Variants in DIP2C observed in about 807,000 individuals in gnomAD.
The protein encoded by DIP2C is disco-interacting protein 2 homolog C.
Under a neutral mutation model 192.4 loss-of-function variants are expected in DIP2C, and 33 were observed. The observed-to-expected ratio is 0.17, with a 90% CI of 0.13 to 0.23. The LOEUF (loss-of-function observed/expected upper bound fraction) is 0.23. Ranked by LOEUF, DIP2C falls within the 10% of genes least tolerant of loss-of-function variation. DIP2C has a pLI of 1.00. For synonymous variants in DIP2C, 979 were observed against 864.1 expected (o/e 1.13, Z -2.33); for missense variants, 1,537 against 2,110.1 (o/e 0.73, Z 5.32).
In DIP2C at chr10:651,463, T is replaced by A; in HGVS notation, c.85+38031A>T. 1 of 657,044 alleles carries A rather than the reference T, an allele frequency of 1.5e-6. No homozygotes were observed. Among genetic ancestry groups the A allele is most frequent in the East Asian group, 2.8e-5 (1 of 35,558 alleles). 40.7% of individuals were successfully genotyped at this position (657,044 alleles called of 1,614,324 possible). A position where few individuals can be genotyped will look rare whatever the true frequency, so the allele number is the denominator to read the frequency against. On this transcript the variant is annotated intron_variant, in intron 1 of 36. Transcript: ENST00000280886. This position sits in a 1 kb window ranked among gnomAD's most constrained non-coding sequence, Gnocchi z 4.1. ...TAAGTAAAAATAGCAGAAGACTTAG[T>A]AGAATGTATGAGTAACAATTACAAT...
chr10:532,566 A>T (rs1295182359), intron 1 of DIP2C, among the ~76,000 whole-genome samples: 1 of 146,776 alleles, frequency 6.8e-6, no homozygotes, highest in Admixed American at 6.8e-5. Flanking sequence ...GGTGAGAGAG[A>T]GAGTATGGGT....
intron 1 of DIP2C, among the ~76,000 whole-genome samples, chr10:674,757 A>C (rs1830796527): frequency 9.0e-6 from 1 of 110,968 alleles, no homozygotes; most frequent in East Asian, 2.8e-4. Flanking sequence ...CAACAAAAGC[A>C]AAACTCCATC....
chr10:274,936 G>A lies in DIP2C; in HGVS notation c.*2389C>T, dbSNP rs1028510848. The A allele has an allele frequency of 6.6e-6, 1 of 152,154 alleles. No homozygotes were observed. The highest frequency in any genetic ancestry group is 1.5e-5 in the Non-Finnish European group (1 of 68,028). The allele number at this position is 152,154 out of a possible 1,614,324, so 9.4% of individuals were successfully genotyped here. ...ATGACCCTTCTTTATTGCTGAAACT[G>A]GTGGTACTAAGTGTCTCCTTTCCTT... On this transcript the variant is annotated 3_prime_UTR_variant, in exon 37 of 37. Transcript: ENST00000280886.
intron 2 of DIP2C, among the ~76,000 whole-genome samples, chr10:477,994 T>A (rs1282347790): frequency 5.2e-5 from 2 of 38,300 alleles, no homozygotes; most frequent in East Asian, 1.6e-3. Context: ...GAAGAGAAGA[T>A]AGAAGAGGAA....
At chr10:492,189 C>T (rs766778455) in intron 1 of DIP2C, among the ~76,000 whole-genome samples, 2 of 152,228 alleles carry the variant, frequency 1.3e-5, no homozygotes, top group African/African-American at 4.8e-5. Flanking sequence ...CCCAGGCATA[C>T]CCCAGACAGC....
intron 31 of DIP2C, among the ~76,000 whole-genome samples, chr10:325,386 T>C (rs748201525): frequency 1.3e-5 from 2 of 152,200 alleles, no homozygotes; most frequent in Non-Finnish European, 2.9e-5. Context: ...CACGCTGAAC[T>C]CTGTCACCTG....
chr10:622,319 G>C (rs1478723989), intron 1 of DIP2C, among the ~76,000 whole-genome samples: 30 of 50,854 alleles, frequency 5.9e-4, no homozygotes, highest in African/African-American at 2.1e-3. Flanking sequence ...AGGGAAGGGA[G>C]GGAGGGGGAG....
chr10:438,436 A>T (rs912671150), intron 4 of DIP2C, among the ~76,000 whole-genome samples: 2 of 152,146 alleles, frequency 1.3e-5, no homozygotes, highest in African/African-American at 4.8e-5. Context: ...TACAAATAAC[A>T]TTTTTTTACC....
rs1038446790 is a variant in DIP2C at position 283,129 on chromosome 10, G to T, written c.4294+143C>A. 3.5e-6 allele frequency: 4 copies of T among 1,154,764 alleles called. No homozygotes were observed. In the Admixed American group the frequency reaches 9.5e-5, roughly 27 times the overall value. The allele number at this position is 1,154,764 out of a possible 1,614,324, so 71.5% of individuals were successfully genotyped here. On this transcript the variant is annotated intron_variant, in intron 35 of 36. Coordinates refer to ENST00000280886, the MANE Select transcript of DIP2C (RefSeq NM_014974.3). ...TTGCTTTCCTCTTGCTCTTAAACTC[G>T]GTTCTTTTCACACTGGGTTGTAGCT...
At chr10:637,388 G>A (rs1036689100) in intron 1 of DIP2C, among the ~76,000 whole-genome samples, 3 of 152,180 alleles carry the variant, frequency 2.0e-5, no homozygotes, top group African/African-American at 7.2e-5. Flanking sequence ...GCTGGGCGGG[G>A]GCTGACAAGC....
At chr10:406,974 C>T (rs1385270549) in intron 9 of DIP2C, among the ~76,000 whole-genome samples, 2 of 152,080 alleles carry the variant, frequency 1.3e-5, no homozygotes, top group African/African-American at 2.4e-5. Flanking sequence ...CCTACGATCC[C>T]ATCTCCAACC....
intron 1 of DIP2C, among the ~76,000 whole-genome samples, chr10:676,609 A>G (rs888472234): frequency 1.3e-5 from 2 of 152,176 alleles, no homozygotes; most frequent in Admixed American, 1.3e-4. Context: ...ATTTCTATAG[A>G]CCAACAATGA....
rs191418008 is a variant in DIP2C, at chr10:552,588, C to A, written c.86-66058G>T. Among the ~76,000 whole-genome samples, 7 of 152,358 alleles carry A rather than the reference C, an allele frequency of 4.6e-5. No homozygotes were observed. In the East Asian group the frequency reaches 9.6e-4, roughly 21 times the overall value. On this transcript the variant is annotated intron_variant, in intron 1 of 36. Transcript: ENST00000280886. ...ACACCTGGCCGGGTGCAGTGGTTCA[C>A]GCCTGTAATCCCAGCACTTTGGGAG...
chr10:336,980 GT>G (rs1957817458), intron 29 of DIP2C, among the ~76,000 whole-genome samples: 5 of 131,550 alleles, frequency 3.8e-5, no homozygotes, highest in Admixed American at 8.0e-5. Flanking sequence ...CTAGGCAGCT[GT>G]GTGTGTGTGT....
At chr10:450,107 G>T (rs879467553) in intron 3 of DIP2C, among the ~76,000 whole-genome samples, 3 of 152,148 alleles carry the variant, frequency 2.0e-5, no homozygotes, top group Admixed American at 6.5e-5. Flanking sequence ...AAAGCTTCAC[G>T]TCCACTCCAT....
rs114270919 is a variant in DIP2C, at chr10:298,887, G to A, written c.3987-10466C>T. ...GCTGAAATGGTCCAACTTGGTTTCCGTCACTTTCCACCATGAAGTGTGACT... is the reference window on the plus strand; with the variant it reads ...GCTGAAATGGTCCAACTTGGTTTCCATCACTTTCCACCATGAAGTGTGACT... On this transcript the variant is annotated intron_variant, in intron 32 of 36. Coordinates refer to ENST00000280886, the MANE Select transcript of DIP2C (RefSeq NM_014974.3). 2.5e-3 allele frequency among the ~76,000 whole-genome samples: 375 copies of A among 152,274 alleles called. 1 individual carries two copies. Among genetic ancestry groups the A allele is most frequent in the African/African-American group, 8.7e-3 (363 of 41,546 alleles).
At chr10:574,179 C>G (rs1588491790) in intron 1 of DIP2C, among the ~76,000 whole-genome samples, 1 of 152,186 alleles carries the variant, frequency 6.6e-6, no homozygotes, top group African/African-American at 2.4e-5. Context: ...GACATTGCTG[C>G]TTTTAGCAAT....
chr10:334,813 T>C (rs148810653), intron 29 of DIP2C, among the ~76,000 whole-genome samples: 2,447 of 152,312 alleles, frequency 0.016, 36 homozygotes, highest in Non-Finnish European at 0.027. Flanking sequence ...TGCCAGTACA[T>C]TGTTCTGGTT....
intron 1 of DIP2C, chr10:628,839 G>C (rs1359057770): frequency 6.6e-6 from 1 of 152,336 alleles, no homozygotes; most frequent in Non-Finnish European, 1.5e-5. Flanking sequence ...GACTATCCTG[G>C]ACCTGGAAGG....
Sources: gnomAD v4.1 joint callset for allele counts (sites outside exome capture counted in the v4.1 genomes callset) on GRCh38, gnomAD v4.1.1 for gene constraint, Gnocchi (gnomAD v3.1) non-coding constraint, MANE v1.5 for transcripts, NCBI Gene and HGNC (gene_info 2026-07-23, HGNC 2026-07-21) for gene names.